Variants in UTRN observed in about 807,000 individuals in gnomAD.
UTRN encodes the protein utrophin, also known as dystrophin-related protein 1.
Under a neutral mutation model 463.9 loss-of-function variants are expected in UTRN, and 283 were observed. That is an observed-to-expected ratio of 0.61 (90% confidence interval 0.55 to 0.67). The LOEUF is 0.67. Ranked by LOEUF, UTRN falls within the 30% of genes least tolerant of loss-of-function variation. The probability of loss-of-function intolerance (pLI) is 0.00; values close to 1 mark genes in which losing one functional copy is unlikely to be tolerated. For synonymous variants in UTRN, 1,442 were observed against 1,431.5 expected (o/e 1.01, Z -0.17); for missense variants, 3,922 against 4,084.3 (o/e 0.96, Z 1.08).
At chr6:144,545,823 C>A (rs903377473) in intron 46 of UTRN, among the ~76,000 whole-genome samples, 4 of 152,292 alleles carry the variant, frequency 2.6e-5, no homozygotes, top group Admixed American at 2.6e-4. Flanking sequence ...AGTTCGAGAC[C>A]AGCCTGGCCA....
intron 70 of UTRN, 41 bp from the exon 71 acceptor site, chr6:144,836,260 G>A (rs763455854): frequency 6.2e-7 from 1 of 1,612,334 alleles, no homozygotes; most frequent in African/African-American, 1.3e-5. Context: ...AGACGATAAT[G>A]CACGTGGTAG....
chr6:144,640,108 T>C (rs990873352), intron 51 of UTRN, among the ~76,000 whole-genome samples: 2 of 152,122 alleles, frequency 1.3e-5, no homozygotes, highest in African/African-American at 4.8e-5. Flanking sequence ...ATGATAGTTA[T>C]AGTCAAATAG....
chr6:144,397,232 G>A (rs1435224449), intron 2 of UTRN, among the ~76,000 whole-genome samples: 10 of 151,576 alleles, frequency 6.6e-5, no homozygotes, highest in Non-Finnish European at 8.8e-5. Flanking sequence ...CAATAAGAGC[G>A]AAACTCGGTC....
chr6:144,486,289 A>T (rs1349860292), intron 28 of UTRN, among the ~76,000 whole-genome samples: 1 of 152,250 alleles, frequency 6.6e-6, no homozygotes, highest in East Asian at 1.9e-4. Flanking sequence ...CTTCTCAAAT[A>T]TAGCAGAGTG....
chr6:144,579,403 C>T (rs1426056562), intron 51 of UTRN, among the ~76,000 whole-genome samples: 1 of 152,086 alleles, frequency 6.6e-6, no homozygotes, highest in African/African-American at 2.4e-5. Context: ...ATTTCAGTAG[C>T]TATCTAGGCT....
chr6:144,452,176 A>G (rs1788390438), intron 18 of UTRN, among the ~76,000 whole-genome samples: 2 of 152,220 alleles, frequency 1.3e-5, no homozygotes, highest in African/African-American at 4.8e-5. Flanking sequence ...GGTGACTTTT[A>G]CATTGATCTT....
chr6:144,382,352 T>C (rs1033434431), intron 2 of UTRN, among the ~76,000 whole-genome samples: 1 of 152,214 alleles, frequency 6.6e-6, no homozygotes, highest in African/African-American at 2.4e-5. Context: ...CAGCAGTTGG[T>C]ATTCCCTTAG....
chr6:144,488,536 A>C, intron 29 of UTRN, 137 bp from the exon 30 acceptor site: 1 of 715,490 alleles, frequency 1.4e-6, no homozygotes, highest in Non-Finnish European at 2.1e-6. Context: ...TATCATTAGT[A>C]ATTATTATTT....
At chr6:144,833,506 G>T (rs1780845775) in intron 69 of UTRN, among the ~76,000 whole-genome samples, 1 of 151,944 alleles carries the variant, frequency 6.6e-6, no homozygotes, top group African/African-American at 2.4e-5. Context: ...ATTATTTTTG[G>T]GTACTCTGTC....
At chr6:144,514,848 C>T in intron 37 of UTRN, 28 bp downstream of exon 37, 1 of 1,600,430 alleles carries the variant, frequency 6.2e-7, no homozygotes, top group South Asian at 1.1e-5. Context: ...TAGAGTAAAC[C>T]ATTTTTCCTA....
chr6:144,485,654 C>T (rs1047392683), intron 28 of UTRN, 135 bp downstream of exon 28: 1 of 1,278,678 alleles, frequency 7.8e-7, no homozygotes, highest in Middle Eastern at 2.5e-4. Context: ...CTTGCATTTT[C>T]TTCCATAGCC....
intron 54 of UTRN, among the ~76,000 whole-genome samples, chr6:144,736,919 C>T (rs1400985620): frequency 2.6e-5 from 4 of 152,296 alleles, no homozygotes; most frequent in East Asian, 1.9e-4. Context: ...TGATTTCCAA[C>T]GCTTGCCTCA....
chr6:144,793,519 G>T (rs551470446), intron 62 of UTRN, among the ~76,000 whole-genome samples: 3 of 152,092 alleles, frequency 2.0e-5, no homozygotes, highest in East Asian at 3.9e-4. Context: ...TGCATTTATT[G>T]TATCATTTTA....
At chr6:144,522,637 C>T (rs1796206444) in intron 40 of UTRN, among the ~76,000 whole-genome samples, 2 of 152,110 alleles carry the variant, frequency 1.3e-5, no homozygotes, top group Non-Finnish European at 2.9e-5. Flanking sequence ...AATAAATTCA[C>T]TGATAATATG....
rs1781510104 is a variant in UTRN at position 144,840,840 on chromosome 6, T to C, written c.10270+8T>C. On this transcript the variant is annotated splice_region_variant and intron_variant, in intron 73 of 74. Transcript: ENST00000367545. ...CGTTTCCATCTTGCTGCCGTGAGTA[T>C]GAAAGATTGCAGCACCACAGCTGCA... The C allele has an allele frequency of 6.2e-7, 1 of 1,613,868 alleles. No homozygotes were observed.
chr6:144,552,478 T>G (rs980875730), intron 48 of UTRN, among the ~76,000 whole-genome samples: 5 of 152,216 alleles, frequency 3.3e-5, no homozygotes. Context: ...GATGTTTTCT[T>G]TTAATTATTA....
At chr6:144,299,607 C>T (rs1805052087) in intron 2 of UTRN, among the ~76,000 whole-genome samples, 1 of 151,902 alleles carries the variant, frequency 6.6e-6, no homozygotes, top group Non-Finnish European at 1.5e-5. Context: ...CCACTGCGCT[C>T]CTTAGTTATT....
At chr6:144,686,173 T>C (rs1321254672) in intron 52 of UTRN, among the ~76,000 whole-genome samples, 1 of 152,172 alleles carries the variant, frequency 6.6e-6, no homozygotes, top group Admixed American at 6.5e-5. Context: ...CCAATTTATG[T>C]TTTTGTGTGC....
At chr6:144,835,636 A>T in intron 69 of UTRN, 144 bp from the exon 70 acceptor site, 1 of 1,002,032 alleles carries the variant, frequency 1.0e-6, no homozygotes, top group Non-Finnish European at 1.5e-6. Context: ...CTAGAGTTTT[A>T]AAAGGGAGGT....
Sources: allele counts gnomAD v4.1 joint callset (sites outside exome capture counted in the v4.1 genomes callset), GRCh38; gene constraint gnomAD v4.1.1; transcripts MANE v1.5; gene names NCBI Gene and HGNC (gene_info 2026-07-23, HGNC 2026-07-21).